The following NLRP8 variants were observed in gnomAD, a reference collection of about 807,000 sequenced individuals.
The protein encoded by NLRP8 is NLR family pyrin domain containing 8.
Under a neutral mutation model 88.7 loss-of-function variants are expected in NLRP8, and 86 were observed. That is an observed-to-expected ratio of 0.97 (90% confidence interval 0.81 to 1.16). The LOEUF (loss-of-function observed/expected upper bound fraction) is 1.16, where lower values mean the gene tolerates loss of function less well. Among genes scored for constraint, NLRP8 ranks in the 50% most tolerant of loss-of-function variants. NLRP8 has a pLI of 0.00. For missense variants in NLRP8, 1,342 were observed against 1,286.5 expected (o/e 1.04, Z -0.66); for synonymous variants, 504 against 494.6 (o/e 1.02, Z -0.25).
Position 55,955,896 on chromosome 19 carries a change from T to C in NLRP8, c.1838T>C (p.Leu613Pro), listed in dbSNP as rs1979333966. The change falls in exon 3 of 10, where the codon CTG becomes CCG. Residue 613 changes from leucine to proline, a missense_variant. Coordinates refer to ENST00000291971, the MANE Select transcript of NLRP8 (RefSeq NM_176811.2). ...GGGGTCCCGCAGTTATTCTACTGTC[T>C]GCATGAAATCCGGGAGGAAGCCTTT... is the stretch of plus-strand genomic sequence containing the variant. The C allele has an allele frequency of 3.7e-6, 6 of 1,614,234 alleles. No homozygotes were observed. In the East Asian group the frequency reaches 1.1e-4, roughly 30 times the overall value.
At chr19:55,956,537 C>T (rs1033573411) in intron 3 of NLRP8, among the ~76,000 whole-genome samples, 14 of 152,102 alleles carry the variant, frequency 9.2e-5, no homozygotes, top group Admixed American at 5.9e-4. Context: ...AGCCATCGCA[C>T]GCGGCCAGTA....
At chr19:55,980,217 C>G (rs1980514465) in intron 9 of NLRP8, among the ~76,000 whole-genome samples, 1 of 152,146 alleles carries the variant, frequency 6.6e-6, no homozygotes, top group Non-Finnish European at 1.5e-5. Flanking sequence ...ATTTGCTAAT[C>G]TATAAAATTG....
Position 55,970,584 on chromosome 19 carries a change from C to G in NLRP8, c.2422C>G (p.Leu808Val), listed in dbSNP as rs1442108964. The G allele has an allele frequency of 1.2e-6, 2 of 1,614,114 alleles. No individual in the cohort carries two copies. The highest frequency in any genetic ancestry group is 1.7e-6 in the Non-Finnish European group (2 of 1,180,034). The stretch of plus-strand genomic sequence containing the variant: ...GGCCACCCCTAGAATTTGGACTGAT[C>G]TTGGCAATAATCTTCAAGGTAACGG... The change falls in exon 6 of 10, where the codon CTT (leucine) becomes GTT (valine). Residue 808 changes from leucine to valine, a missense_variant. Leu to Val is a conservative substitution (Grantham distance 32). Coordinates refer to ENST00000291971, the MANE Select transcript of NLRP8 (RefSeq NM_176811.2).
At chr19:55,952,916 C>T (rs999581643) in intron 2 of NLRP8, among the ~76,000 whole-genome samples, 2 of 151,910 alleles carry the variant, frequency 1.3e-5, no homozygotes, top group African/African-American at 2.4e-5. Context: ...GATTGAGACT[C>T]CATCTCAAAA....
intron 9 of NLRP8, among the ~76,000 whole-genome samples, 46 bp from the exon 10 acceptor site, chr19:55,981,013 G>A (rs1980551744): frequency 1.3e-5 from 2 of 152,110 alleles, no homozygotes; most frequent in Non-Finnish European, 2.9e-5. Flanking sequence ...GGCTGCAAAA[G>A]AAAACCAAAT....
rs1406420333 is a variant in NLRP8 at position 55,955,213 on chromosome 19, A to C, written c.1155A>C (p.Glu385Asp). 3 of 1,614,178 alleles carry C rather than the reference A, an allele frequency of 1.9e-6. No individual in the cohort carries two copies. The highest frequency in any genetic ancestry group is 1.7e-6 in the Non-Finnish European group (2 of 1,180,034). ...ACCAAGTCTTGAGTTTCGCCATGGAAAACACCATTCTCTTCTCCATGTGCC... is the reference window on the plus strand; with the variant it reads ...ACCAAGTCTTGAGTTTCGCCATGGACAACACCATTCTCTTCTCCATGTGCC... The change falls in exon 3 of 10, where the codon GAA becomes GAC. Residue 385 changes from glutamate to aspartate, a missense_variant. Transcript: ENST00000291971.
intron 7 of NLRP8, among the ~76,000 whole-genome samples, chr19:55,974,473 C>T (rs534545353): frequency 6.6e-6 from 1 of 152,146 alleles, no homozygotes; most frequent in African/African-American, 2.4e-5. Flanking sequence ...TATTAAGGCT[C>T]ACTGTTTTGG....
intron 1 of NLRP8, among the ~76,000 whole-genome samples, chr19:55,950,772 C>G (rs918854994): frequency 4.3e-4 from 65 of 152,134 alleles, no homozygotes; most frequent in Non-Finnish European, 8.8e-5. Context: ...CGCCTATAAT[C>G]CCAGCAGTCT....
intron 3 of NLRP8, among the ~76,000 whole-genome samples, chr19:55,961,600 A>C (rs1285219263): frequency 6.6e-6 from 1 of 151,950 alleles, no homozygotes; most frequent in African/African-American, 2.4e-5. Flanking sequence ...CCAGGAATTC[A>C]AGACCAGCCT....
intron 7 of NLRP8, among the ~76,000 whole-genome samples, chr19:55,974,899 A>G (rs185107899): frequency 6.6e-6 from 1 of 152,120 alleles, no homozygotes; most frequent in East Asian, 1.9e-4. Flanking sequence ...GCTTGTAATT[A>G]GGAGAGAAAT....
intron 7 of NLRP8, among the ~76,000 whole-genome samples, chr19:55,974,226 G>T (rs1190102370): frequency 6.6e-6 from 1 of 150,816 alleles, no homozygotes; most frequent in Non-Finnish European, 1.5e-5. Flanking sequence ...AGACCTGAGA[G>T]GGGCTTCTGG....
At chr19:55,956,682 AT>A (rs1370334121) in intron 3 of NLRP8, among the ~76,000 whole-genome samples, 1 of 152,102 alleles carries the variant, frequency 6.6e-6, no homozygotes, top group African/African-American at 2.4e-5. Flanking sequence ...TGTTCCTGGG[AT>A]ATAGGACTTT....
intron 9 of NLRP8, among the ~76,000 whole-genome samples, chr19:55,984,109 C>T (rs1297080748): frequency 6.7e-6 from 1 of 149,860 alleles, no homozygotes; most frequent in African/African-American, 2.5e-5. Context: ...GAATAATAAA[C>T]ACAACATTAT....
chr19:55,952,140 C>T (rs965812342), intron 1 of NLRP8, among the ~76,000 whole-genome samples: 4 of 152,044 alleles, frequency 2.6e-5, no homozygotes, highest in East Asian at 1.9e-4. Context: ...TTGATCCCAC[C>T]GATGTAGATC....
At chr19:55,968,431 C>A (rs1407475040) in intron 5 of NLRP8, among the ~76,000 whole-genome samples, 2 of 150,534 alleles carry the variant, frequency 1.3e-5, no homozygotes, top group Non-Finnish European at 3.0e-5. Context: ...AGAGCAAAAA[C>A]TCCATCTCAA....
chr19:55,958,127 A>C (rs1979458124), intron 3 of NLRP8, among the ~76,000 whole-genome samples: 3 of 152,102 alleles, frequency 2.0e-5, no homozygotes, highest in African/African-American at 7.2e-5. Context: ...CTATGACGAG[A>C]AGAGAGAGGC....
At chr19:55,987,706 G>T in intron 9 of NLRP8, 1 of 751,474 alleles carries the variant, frequency 1.3e-6, no homozygotes, top group South Asian at 1.5e-5. Flanking sequence ...GGTGAGGTGG[G>T]AGGGGTACGG....
chr19:55,974,447 A>C (rs1980216578), intron 7 of NLRP8, among the ~76,000 whole-genome samples: 1 of 152,030 alleles, frequency 6.6e-6, no homozygotes, highest in Non-Finnish European at 1.5e-5. Flanking sequence ...GTGCACCTGA[A>C]GGGAAAGGAA....
intron 7 of NLRP8, among the ~76,000 whole-genome samples, chr19:55,975,553 G>A (rs1203136146): frequency 3.3e-5 from 5 of 152,114 alleles, no homozygotes; most frequent in Non-Finnish European, 5.9e-5. Context: ...CCCTGATGAC[G>A]GCATAAAGGC....
Sources: gnomAD v4.1 joint callset for allele counts (sites outside exome capture counted in the v4.1 genomes callset) on GRCh38, gnomAD v4.1.1 for gene constraint, MANE v1.5 for transcripts, NCBI Gene and HGNC (gene_info 2026-07-23, HGNC 2026-07-21) for gene names.